Variants in GABRG1 observed in about 807,000 individuals in gnomAD.
The protein encoded by GABRG1 is gamma-aminobutyric acid type A receptor subunit gamma1.
Under a neutral mutation model 49.8 loss-of-function variants are expected in GABRG1, and 49 were observed. That is an observed-to-expected ratio of 0.98 (90% CI 0.78 to 1.25). GABRG1 has a LOEUF of 1.25. Ranked by LOEUF, GABRG1 falls within the 50% of genes most tolerant of loss-of-function variation. The pLI is 0.00. For missense variants in GABRG1, 552 were observed against 552.3 expected (o/e 1.00, Z 0.01); for synonymous variants, 232 against 185.1 (o/e 1.25, Z -2.06).
chr4:46,072,817 T>G (rs1267877205), intron 3 of GABRG1, among the ~76,000 whole-genome samples: 1 of 150,026 alleles, frequency 6.7e-6, no homozygotes, highest in East Asian at 1.9e-4. Flanking sequence ...TTTAATTAAG[T>G]GAGATATAAT....
At chr4:46,090,069 T>C (rs957220882) in intron 2 of GABRG1, among the ~76,000 whole-genome samples, 4 of 152,028 alleles carry the variant, frequency 2.6e-5, no homozygotes, top group East Asian at 3.9e-4. Flanking sequence ...TCAGAAGACC[T>C]CAATAAGTTG....
In GABRG1 at chr4:46,123,930, C is replaced by T. The variant is rs955003036; in HGVS notation, c.-17G>A. The T allele has an allele frequency of 6.3e-7, 1 of 1,586,414 alleles. No homozygotes were observed. Among genetic ancestry groups the T allele is most frequent in the Non-Finnish European group, 8.7e-7 (1 of 1,155,784 alleles). ...AGGACCCATCGGAATCGCTTTTTTA[C>T]GTGTGCTGCACTAGCTCAATTCTCC... On this transcript the variant is annotated 5_prime_UTR_variant, in exon 1 of 9. Transcript: ENST00000295452.
At chr4:46,047,424 G>T (rs1207546780) in intron 8 of GABRG1, among the ~76,000 whole-genome samples, 1 of 151,958 alleles carries the variant, frequency 6.6e-6, no homozygotes, top group Non-Finnish European at 1.5e-5. Context: ...ACTTCCATCA[G>T]TTTATATGTT....
At chr4:46,102,990 G>C (rs1457288828) in intron 1 of GABRG1, among the ~76,000 whole-genome samples, 1 of 150,330 alleles carries the variant, frequency 6.7e-6, no homozygotes, top group Admixed American at 6.6e-5. Context: ...GAAAATCTTG[G>C]TTTACACCTG....
chr4:46,072,302 T>C (rs979894302), intron 3 of GABRG1, among the ~76,000 whole-genome samples: 5 of 152,100 alleles, frequency 3.3e-5, no homozygotes, highest in African/African-American at 1.2e-4. Context: ...TGACTAAAGA[T>C]ACATTTCTTA....
At chr4:46,100,090 C>T (rs996509124) in intron 1 of GABRG1, among the ~76,000 whole-genome samples, 4 of 151,712 alleles carry the variant, frequency 2.6e-5, no homozygotes, top group Admixed American at 1.3e-4. Context: ...TTTTTACTTA[C>T]GTACATCATT....
chr4:46,058,921 T>C (rs534757000), intron 5 of GABRG1, among the ~76,000 whole-genome samples: 2 of 152,186 alleles, frequency 1.3e-5, no homozygotes, highest in East Asian at 3.9e-4. Context: ...GTAATAACTA[T>C]CCTAATTTCT....
intron 2 of GABRG1, among the ~76,000 whole-genome samples, chr4:46,093,069 TAAAA>T (rs10627690): frequency 8.2e-6 from 1 of 122,262 alleles, no homozygotes; most frequent in Non-Finnish European, 1.7e-5. Context: ...AACTCCATCT[TAAAA>T]AAAAAAAAAA....
intron 8 of GABRG1, among the ~76,000 whole-genome samples, chr4:46,044,887 G>C (rs528200199): frequency 6.6e-6 from 1 of 152,022 alleles, no homozygotes; most frequent in Admixed American, 6.6e-5. Flanking sequence ...TAGGAGAAAG[G>C]TTAGGGCTCT....
intron 2 of GABRG1, among the ~76,000 whole-genome samples, chr4:46,084,673 A>C (rs1248865632): frequency 6.6e-6 from 1 of 151,780 alleles, no homozygotes; most frequent in East Asian, 1.9e-4. Context: ...CTCAAGCAAA[A>C]ATTTTATTAT....
intron 1 of GABRG1, among the ~76,000 whole-genome samples, chr4:46,098,928 G>A (rs1162165506): frequency 6.6e-6 from 1 of 151,546 alleles, no homozygotes; most frequent in Admixed American, 6.6e-5. Flanking sequence ...TTTTTGTTAA[G>A]ATGCTTATGA....
intron 3 of GABRG1, among the ~76,000 whole-genome samples, chr4:46,082,517 A>C (rs1235236187): frequency 6.6e-6 from 1 of 151,732 alleles, no homozygotes; most frequent in East Asian, 1.9e-4. Context: ...CCATGGCAAA[A>C]AGTTTGGACA....
intron 1 of GABRG1, among the ~76,000 whole-genome samples, chr4:46,105,496 A>G (rs1720505364): frequency 6.6e-6 from 1 of 151,374 alleles, no homozygotes; most frequent in South Asian, 2.1e-4. Flanking sequence ...TTTGGAGAAA[A>G]TTTGGAAATT....
chr4:46,122,910 G>A (rs531038338), intron 1 of GABRG1, among the ~76,000 whole-genome samples: 22 of 152,056 alleles, frequency 1.4e-4, no homozygotes, highest in South Asian at 4.2e-4. Context: ...CTTAATCAAC[G>A]TATTTTAGCT....
intron 1 of GABRG1, among the ~76,000 whole-genome samples, chr4:46,116,339 T>A (rs1720885187): frequency 6.6e-6 from 1 of 150,868 alleles, no homozygotes; most frequent in South Asian, 2.1e-4. Flanking sequence ...GAGTTCTCCA[T>A]TTTTAAGTTC....
chr4:46,123,297 C>A (rs1049677159), intron 1 of GABRG1, among the ~76,000 whole-genome samples: 1 of 151,868 alleles, frequency 6.6e-6, no homozygotes, highest in Non-Finnish European at 1.5e-5. Context: ...TGTTTTTAGC[C>A]AGATTTACAA....
chr4:46,108,098 TA>T (rs1720611116), intron 1 of GABRG1, among the ~76,000 whole-genome samples: 1 of 151,140 alleles, frequency 6.6e-6, no homozygotes, highest in Non-Finnish European at 1.5e-5. Context: ...AAATTGGAAA[TA>T]CTTGGGAAAT....
Position 46,044,213 on chromosome 4 carries a change from C to T in GABRG1, c.1132-2959G>A, listed in dbSNP as rs148720625. On this transcript the variant is annotated intron_variant, in intron 8 of 8. Transcript: ENST00000295452. ...GAAGGCTGGGCACGTTGGCTCACAC[C>T]TGTAATCCCAGCACTTTGGGAGGCC... is the stretch of plus-strand genomic sequence containing the variant. 5.6e-4 allele frequency among the ~76,000 whole-genome samples: 85 copies of T among 152,214 alleles called. 1 individual carries two copies. Among genetic ancestry groups the T allele is most frequent in the African/African-American group, 1.7e-3 (72 of 41,560 alleles).
chr4:46,065,380 C>T lies in GABRG1; in HGVS notation c.526G>A (p.Val176Ile). The stretch of plus-strand genomic sequence containing the variant: ...CAATATTACCTTAGAGTATACAGAA[C>T]TCGTCCATCATTCCAAATTCGAAGC... ...RLLRIWNDGRVLYTLRLTINA... is the reference protein window; with the variant it reads ...RLLRIWNDGRILYTLRLTINA... The change falls in exon 4 of 9, where the codon GTT (valine) becomes ATT (isoleucine). Residue 176 changes from valine (V) to isoleucine (I), a missense_variant. By Grantham distance (29) the Val-to-Ile change is conservative. Transcript: ENST00000295452. 3 of 1,602,532 alleles carry T rather than the reference C, an allele frequency of 1.9e-6. No homozygotes were observed. Among genetic ancestry groups the T allele is most frequent in the South Asian group, 1.1e-5 (1 of 90,828 alleles).
Sources: allele counts gnomAD v4.1 joint callset (sites outside exome capture counted in the v4.1 genomes callset), GRCh38; gene constraint gnomAD v4.1.1; transcripts MANE v1.5; gene names NCBI Gene and HGNC (gene_info 2026-07-23, HGNC 2026-07-21).